The following BRAP variants were observed in gnomAD, a reference collection of about 807,000 sequenced individuals.
BRAP encodes the protein BRCA1-associated protein.
In BRAP, 42 loss-of-function variants were observed where a neutral mutation model predicts 73.4. That is an observed-to-expected ratio of 0.57 (90% CI 0.45 to 0.74). BRAP has a LOEUF of 0.74. Ranked by LOEUF, BRAP falls within the 30% of genes least tolerant of loss-of-function variation. The pLI is 0.00. For missense variants in BRAP, 593 were observed against 751.4 expected, an observed-to-expected ratio of 0.79 and a Z score of 2.46; for synonymous variants, 255 against 267.4, an observed-to-expected ratio of 0.95 and a Z score of 0.45.
intron 11 of BRAP, among the ~76,000 whole-genome samples, chr12:111,647,330 G>A (rs1886144175): frequency 6.6e-6 from 1 of 152,072 alleles, no homozygotes; most frequent in Non-Finnish European, 1.5e-5. Context: ...ACAGCATGCA[G>A]ATGTTACAAA....
chr12:111,673,874 A>G (rs1414808933), intron 4 of BRAP, among the ~76,000 whole-genome samples: 1 of 152,242 alleles, frequency 6.6e-6, no homozygotes, highest in Non-Finnish European at 1.5e-5. Flanking sequence ...ACAGGTAAAC[A>G]GAACCTTCTA....
At position 111,665,800 on chromosome 12, in the gene BRAP, C is replaced by T; in HGVS notation, c.748-13G>A. The T allele has an allele frequency of 6.2e-7, 1 of 1,614,174 alleles. No homozygotes were observed. The highest frequency in any genetic ancestry group is 8.5e-7 in the Non-Finnish European group (1 of 1,180,014). On this transcript the variant is annotated splice_polypyrimidine_tract_variant and intron_variant, in intron 5 of 11. Transcript: ENST00000419234. This position sits in a 1 kb window ranked among gnomAD's most constrained non-coding sequence, Gnocchi z 4.3. The stretch of plus-strand genomic sequence containing the variant: ...GGAGGCTGGCGCCCTACAGGAAACA[C>T]CTCACATAAGCCTCACTCTTCATCT...
In BRAP at chr12:111,667,698, C is replaced by CAAAAAAAAAAAAAAAAAAAAAAAAAA. The variant is rs565349424; in HGVS notation, c.748-1912_748-1911insTTTTTTTTTTTTTTTTTTTTTTTTTT. Among the ~76,000 whole-genome samples the CAAAAAAAAAAAAAAAAAAAAAAAAAA allele has an allele frequency of 1.2e-3, 26 of 21,284 alleles. 1 individual carries two copies. The highest frequency in any genetic ancestry group is 2.9e-3 in the African/African-American group (15 of 5,186). The allele number at this position is 21,284 out of a possible 152,430, so 14.0% of individuals were successfully genotyped here. A position where few individuals can be genotyped will look rare whatever the true frequency, so the allele number is the denominator to read the frequency against. ...TGGGAGACAGAGTGAAACTCCGTCTCAAAAAAAAAAAAAAAAAAAAAAAGC... is the reference window on the plus strand; with the variant it reads ...TGGGAGACAGAGTGAAACTCCGTCTCAAAAAAAAAAAAAAAAAAAAAAAAAAAAAAAAAAAAAAAAAAAAAAAAAGC... On this transcript the variant is annotated intron_variant, in intron 5 of 11. Coordinates refer to ENST00000419234, the MANE Select transcript of BRAP (RefSeq NM_006768.5).
intron 9 of BRAP, among the ~76,000 whole-genome samples, chr12:111,656,024 T>A (rs1419766688): frequency 5.9e-5 from 9 of 152,086 alleles, no homozygotes; most frequent in Non-Finnish European, 1.2e-4. Context: ...AGCACTTGAG[T>A]CAGGCACCCC....
At chr12:111,669,714 T>G in intron 5 of BRAP, 2 of 246,020 alleles carry the variant, frequency 8.1e-6, no homozygotes, top group Non-Finnish European at 1.6e-5. Context: ...CTTATTAGTG[T>G]ACAGCTCAAT....
chr12:111,671,578 C>T (rs1887173392), intron 5 of BRAP, among the ~76,000 whole-genome samples: 1 of 151,864 alleles, frequency 6.6e-6, no homozygotes, highest in Admixed American at 6.6e-5. Context: ...AATCAAGAGG[C>T]CAGGCACAGT....
In BRAP at chr12:111,643,528, T is replaced by G. The variant is rs1390761016; in HGVS notation, c.*671A>C. On this transcript the variant is annotated 3_prime_UTR_variant, in exon 12 of 12. Transcript: ENST00000419234. The stretch of plus-strand genomic sequence containing the variant: ...AAATAAACAGTGGAGCTGCCACCAT[T>G]TTTCCTACACTGAGTCTACCCAATG... The G allele has an allele frequency of 2.6e-5, 4 of 152,128 alleles. No individual in the cohort carries two copies. Among genetic ancestry groups the G allele is most frequent in the African/African-American group, 9.7e-5 (4 of 41,406 alleles). 9.4% of individuals were successfully genotyped at this position (152,128 alleles called of 1,614,324 possible). A position where few individuals can be genotyped will look rare whatever the true frequency, so the allele number is the denominator to read the frequency against.
intron 10 of BRAP, among the ~76,000 whole-genome samples, chr12:111,652,139 A>G (rs1886350614): frequency 6.6e-6 from 1 of 152,206 alleles, no homozygotes; most frequent in East Asian, 1.9e-4. Flanking sequence ...CTAAGGAACC[A>G]AACTGTACAT....
chr12:111,680,234 G>A (rs956342980), intron 3 of BRAP, among the ~76,000 whole-genome samples: 1 of 151,990 alleles, frequency 6.6e-6, no homozygotes, highest in African/African-American at 2.4e-5. Context: ...GATTACAGGC[G>A]TGAGCCACCA....
intron 1 of BRAP, among the ~76,000 whole-genome samples, chr12:111,684,812 G>C (rs915417413): frequency 2.6e-5 from 4 of 152,058 alleles, no homozygotes; most frequent in Non-Finnish European, 5.9e-5. Context: ...GGGATTACAG[G>C]CACCTGTCAC....
intron 6 of BRAP, among the ~76,000 whole-genome samples, chr12:111,663,799 T>C (rs12304674): frequency 0.017 from 2,645 of 152,296 alleles, 80 homozygotes; most frequent in African/African-American, 0.058. Context: ...TCAAAACTCA[T>C]TAAATGAACT....
chr12:111,674,089 C>A (rs1006013758), intron 4 of BRAP, among the ~76,000 whole-genome samples: 2 of 152,204 alleles, frequency 1.3e-5, no homozygotes, highest in South Asian at 2.1e-4. Flanking sequence ...GCATCGTCAA[C>A]CTTAAGGAAG....
At chr12:111,683,505 A>C (rs376554535) in intron 1 of BRAP, among the ~76,000 whole-genome samples, 198 bp from the exon 2 acceptor site, 1 of 152,072 alleles carries the variant, frequency 6.6e-6, no homozygotes, top group African/African-American at 2.4e-5. Context: ...AGGACAATAT[A>C]CTCAGAAATG....
At chr12:111,651,526 G>C (rs1886322338) in intron 10 of BRAP, among the ~76,000 whole-genome samples, 1 of 150,512 alleles carries the variant, frequency 6.6e-6, no homozygotes, top group South Asian at 2.1e-4. Flanking sequence ...GACAGAGCAA[G>C]ACACCATTAC....
Position 111,660,650 on chromosome 12 carries a change from T to C in BRAP, c.922A>G (p.Thr308Ala). The C allele has an allele frequency of 6.2e-7, 1 of 1,607,916 alleles. No individual in the cohort carries two copies. Among genetic ancestry groups the C allele is most frequent in the Non-Finnish European group, 8.5e-7 (1 of 1,176,862 alleles). ...TTATTTTCTTCTACTGGCTCGGGCG[T>C]TTGACAGTACCGGCAAACAGGACAC... is the stretch of plus-strand genomic sequence containing the variant. ...TTCPVCRYCQ[T>A]PEPVEENKCF... Residue 308 changes from threonine (T) to alanine (A), a missense_variant, in exon 7 of 12, where the codon ACG becomes GCG. Around this residue, in one of 4 missense-constraint regions of BRAP, gnomAD observed 67 missense variants for 158.0 expected, o/e 0.42. Coordinates refer to ENST00000419234, the MANE Select transcript of BRAP (RefSeq NM_006768.5).
intron 6 of BRAP, among the ~76,000 whole-genome samples, chr12:111,664,672 T>C (rs1382697067): frequency 2.0e-5 from 3 of 152,212 alleles, no homozygotes; most frequent in Admixed American, 6.5e-5. Flanking sequence ...AAGCCAGGCA[T>C]GGCCCCCGCT....
At chr12:111,666,291 C>G (rs1886938755) in intron 5 of BRAP, among the ~76,000 whole-genome samples, 1 of 152,148 alleles carries the variant, frequency 6.6e-6, no homozygotes. Flanking sequence ...TGACCAGACT[C>G]CTAGCTCAAG....
At chr12:111,677,959 A>T (rs972651310) in intron 4 of BRAP, among the ~76,000 whole-genome samples, 6 of 152,170 alleles carry the variant, frequency 3.9e-5, no homozygotes, top group African/African-American at 1.4e-4. Flanking sequence ...TCCCCCACTA[A>T]AAAGAGAATG....
chr12:111,684,044 C>T (rs1887700667), intron 1 of BRAP, among the ~76,000 whole-genome samples: 1 of 152,128 alleles, frequency 6.6e-6, no homozygotes, highest in Admixed American at 6.5e-5. Flanking sequence ...GGCTTATGCT[C>T]ATGCCATGAA....
Sources: allele counts gnomAD v4.1 joint callset (sites outside exome capture counted in the v4.1 genomes callset), GRCh38; gene constraint gnomAD v4.1.1; regional missense constraint gnomAD v4.1.1; non-coding constraint Gnocchi (gnomAD v3.1); transcripts MANE v1.5; gene names NCBI Gene and HGNC (gene_info 2026-07-23, HGNC 2026-07-21).